PRIM2: variants seen among roughly 807,000 people sequenced by gnomAD.
PRIM2 encodes DNA primase large subunit.
Under a neutral mutation model 67.3 loss-of-function variants are expected in PRIM2, and 39 were observed. That is an observed-to-expected ratio of 0.58 (90% CI 0.45 to 0.76). The LOEUF is 0.76. PRIM2 is among the 30% of genes least tolerant of loss of function. PRIM2 has a pLI of 0.00. For synonymous variants in PRIM2, 143 were observed against 198.7 expected (o/e 0.72, Z 2.36); for missense variants, 398 against 598.7 (o/e 0.66, Z 3.50).
At chr6:57,595,510 C>T (rs1273392995) in intron 10 of PRIM2, among the ~76,000 whole-genome samples, 5 of 151,964 alleles carry the variant, frequency 3.3e-5, no homozygotes, top group Non-Finnish European at 7.4e-5. Context: ...AAGACTGTGC[C>T]CTACTTCATA....
chr6:57,291,008 A>G, the PRIM2 span, among the ~76,000 whole-genome samples: 1 of 152,182 alleles, frequency 6.6e-6, no homozygotes, highest in Non-Finnish European at 1.5e-5. Context: ...ATCAGAGCAG[A>G]ACTGAAGGAG....
intron 5 of PRIM2, among the ~76,000 whole-genome samples, chr6:57,343,782 T>A (rs1768578960): frequency 6.6e-6 from 1 of 152,152 alleles, no homozygotes; most frequent in South Asian, 2.1e-4. Flanking sequence ...TGTCATTTGT[T>A]AAGGATAGTA....
At chr6:57,608,621 G>T (rs1218048981) in intron 12 of PRIM2, among the ~76,000 whole-genome samples, 2 of 151,706 alleles carry the variant, frequency 1.3e-5, no homozygotes, top group Non-Finnish European at 2.9e-5. Context: ...CTACTCAGGA[G>T]GCAGAGGTGG....
intron 7 of PRIM2, among the ~76,000 whole-genome samples, chr6:57,438,137 A>G (rs569954502): frequency 6.6e-6 from 1 of 152,242 alleles, no homozygotes; most frequent in East Asian, 1.9e-4. Context: ...ATCAACTAAA[A>G]ATCCATTAGA....
chr6:57,311,355 C>T (rs537344474), upstream of PRIM2, among the ~76,000 whole-genome samples: 25 of 144,990 alleles, frequency 1.7e-4, 1 homozygote, highest in Middle Eastern at 4.5e-3. Flanking sequence ...TCCTCCCAGA[C>T]GGGGCGGCGG....
chr6:57,469,897 A>T (rs1325718796), intron 7 of PRIM2, among the ~76,000 whole-genome samples: 3 of 152,190 alleles, frequency 2.0e-5, no homozygotes, highest in Middle Eastern at 3.2e-3. Context: ...TCTGCTGCCC[A>T]CATTTGAACA....
rs1416041043 is a variant in PRIM2, at chr6:57,646,398, G to A, written c.*240G>A. ...TTTTTCAATTTTTTTTTGTAGAGGT[G>A]GGGGGTCTCCCTATGTTGCCCAGGC... On this transcript the variant is annotated 3_prime_UTR_variant, in exon 14 of 14. Transcript: ENST00000615550. The A allele has an allele frequency of 4.7e-5, 21 of 442,604 alleles. No homozygotes were observed. In the Admixed American group the frequency reaches 6.2e-4, roughly 13 times the overall value. 27.4% of individuals were successfully genotyped at this position (442,604 alleles called of 1,614,324 possible).
In PRIM2 at chr6:57,383,651, G is replaced by T. The variant is rs903950121; in HGVS notation, c.693+1483G>T. On this transcript the variant is annotated intron_variant, in intron 7 of 13. Coordinates refer to ENST00000615550, the MANE Select transcript of PRIM2 (RefSeq NM_000947.5). The stretch of plus-strand genomic sequence containing the variant: ...CCTCTGGATATTGTTGTAACTGAAT[G>T]TGATGCCTGGAAGAGCTACAGCCAT... 2.0e-5 allele frequency: 3 copies of T among 149,808 alleles called. No individual in the cohort carries two copies. In the South Asian group the frequency reaches 6.4e-4, roughly 32 times the overall value. 9.3% of individuals were successfully genotyped at this position (149,808 alleles called of 1,614,324 possible). A position where few individuals can be genotyped will look rare whatever the true frequency, so the allele number is the denominator to read the frequency against.
chr6:57,515,590 CT>C, intron 8 of PRIM2, among the ~76,000 whole-genome samples: 1 of 152,018 alleles, frequency 6.6e-6, no homozygotes, highest in Non-Finnish European at 1.5e-5. Context: ...AGATTAGAGC[CT>C]TTATACCCAT....
the PRIM2 span, among the ~76,000 whole-genome samples, chr6:57,241,116 C>T: frequency 1.3e-5 from 2 of 150,044 alleles, no homozygotes; most frequent in Non-Finnish European, 1.5e-5. Context: ...CCCAGCTACT[C>T]GGGAGGCTGA....
intron 13 of PRIM2, among the ~76,000 whole-genome samples, chr6:57,642,933 T>C (rs1324186081): frequency 6.6e-6 from 1 of 152,212 alleles, no homozygotes; most frequent in Non-Finnish European, 1.5e-5. Context: ...TGCAAAGCAA[T>C]AGGATCTTTC....
At chr6:57,429,627 G>A (rs1771754531) in intron 7 of PRIM2, among the ~76,000 whole-genome samples, 1 of 152,172 alleles carries the variant, frequency 6.6e-6, no homozygotes, top group Admixed American at 6.5e-5. Context: ...GGCCTTTAAA[G>A]AGACAATTAA....
intron 7 of PRIM2, among the ~76,000 whole-genome samples, chr6:57,504,069 TG>T (rs1774201274): frequency 6.6e-6 from 1 of 152,242 alleles, no homozygotes; most frequent in South Asian, 2.1e-4. Context: ...TGAAGGCTTC[TG>T]GCCATGCCAG....
rs1376792757 is a variant in PRIM2, at chr6:57,481,831, C to T, written c.694-25556C>T. On this transcript the variant is annotated intron_variant, in intron 7 of 13. Transcript: ENST00000615550. ...GTATCTCATTATGGTCTTGATTTGCCTTTTCCTAATGGCTAATGATGTTGA... is the reference window on the plus strand; with the variant it reads ...GTATCTCATTATGGTCTTGATTTGCTTTTTCCTAATGGCTAATGATGTTGA... Among the ~76,000 whole-genome samples, 496 of 152,250 alleles carry T rather than the reference C, an allele frequency of 3.3e-3. 3 individuals carry two copies. Among genetic ancestry groups the T allele is most frequent in the Middle Eastern group, 0.01 (3 of 294 alleles).
At chr6:57,376,184 C>T (rs1487899055) in intron 5 of PRIM2, among the ~76,000 whole-genome samples, 8 of 152,142 alleles carry the variant, frequency 5.3e-5, no homozygotes, top group Non-Finnish European at 1.2e-4. Flanking sequence ...GGTGAACAAA[C>T]AAGACCCTGT....
intron 5 of PRIM2, among the ~76,000 whole-genome samples, chr6:57,332,896 G>A (rs750657181): frequency 7.2e-5 from 11 of 151,792 alleles, no homozygotes; most frequent in African/African-American, 1.5e-4. Flanking sequence ...TAGTATTTCC[G>A]TGTGCCATCT....
chr6:57,500,943 G>A (rs1554346790), intron 7 of PRIM2, among the ~76,000 whole-genome samples: 4 of 152,194 alleles, frequency 2.6e-5, no homozygotes, highest in Non-Finnish European at 4.4e-5. Context: ...AATTTAGAGG[G>A]TTGTATGTGC....
At chr6:57,445,287 G>A (rs112770262) in intron 7 of PRIM2, among the ~76,000 whole-genome samples, 73 of 152,190 alleles carry the variant, frequency 4.8e-4, no homozygotes, top group African/African-American at 1.6e-3. Context: ...CCCTATCAGG[G>A]GACAGAGTTA....
intron 10 of PRIM2, among the ~76,000 whole-genome samples, chr6:57,587,460 C>T (rs1276757278): frequency 5.3e-5 from 8 of 151,910 alleles, no homozygotes; most frequent in African/African-American, 1.4e-4. Context: ...GTCAGGAGAT[C>T]GAGACCATCT....
Sources: gnomAD v4.1 joint callset for allele counts (sites outside exome capture counted in the v4.1 genomes callset) on GRCh38, gnomAD v4.1.1 for gene constraint, MANE v1.5 for transcripts, NCBI Gene and HGNC (gene_info 2026-07-23, HGNC 2026-07-21) for gene names.